CDK19: variants seen among roughly 807,000 people sequenced by gnomAD.
CDK19 encodes the protein cyclin dependent kinase 19.
CDK19 carries 20 observed loss-of-function variants against 68.3 expected under a neutral mutation model. The observed-to-expected ratio is 0.29, with a 90% CI of 0.21 to 0.43. The LOEUF is 0.43. Ranked by LOEUF, CDK19 falls within the 20% of genes least tolerant of loss-of-function variation. The probability of loss-of-function intolerance (pLI) is 1.00; values close to 1 mark genes in which losing one functional copy is unlikely to be tolerated. For missense variants in CDK19, 339 were observed against 623.5 expected (o/e 0.54, Z 4.86); for synonymous variants, 221 against 222.8 (o/e 0.99, Z 0.07).
intron 1 of CDK19, among the ~76,000 whole-genome samples, chr6:110,779,824 C>T (rs2115026468): frequency 6.6e-6 from 1 of 152,290 alleles, no homozygotes; most frequent in Middle Eastern, 3.4e-3. Context: ...GTGGCTCACA[C>T]CTGTAATCCC....
At chr6:110,701,511 C>G (rs1212481155) in intron 2 of CDK19, among the ~76,000 whole-genome samples, 1 of 149,784 alleles carries the variant, frequency 6.7e-6, no homozygotes, top group Non-Finnish European at 1.5e-5. Flanking sequence ...GAGATTGCAC[C>G]ACTGCACTCC....
At position 110,765,318 on chromosome 6, in the gene CDK19, G is replaced by A. The variant is rs139517665; in HGVS notation, c.129-19117C>T. The stretch of plus-strand genomic sequence containing the variant: ...CACTTGAGCCCTGGAGGTTGAGGCT[G>A]CAAATAGCTATGATCACACCACTGC... On this transcript the variant is annotated intron_variant, in intron 1 of 12. Transcript: ENST00000368911. 2.6e-5 allele frequency among the ~76,000 whole-genome samples: 4 copies of A among 152,272 alleles called. No homozygotes were observed. In the East Asian group the frequency reaches 7.7e-4, roughly 29 times the overall value.
chr6:110,801,928 GA>G (rs1280616902), intron 1 of CDK19, among the ~76,000 whole-genome samples: 6 of 152,144 alleles, frequency 3.9e-5, no homozygotes, highest in Non-Finnish European at 8.8e-5. Context: ...AAACATGGGA[GA>G]AAACACTCAA....
chr6:110,783,737 T>C (rs1377323692), intron 1 of CDK19, among the ~76,000 whole-genome samples: 1 of 151,634 alleles, frequency 6.6e-6, no homozygotes, highest in African/African-American at 2.4e-5. Flanking sequence ...CTTTGCAACC[T>C]TGGATCAAGC....
At chr6:110,678,361 A>G (rs1046867189) in intron 2 of CDK19, among the ~76,000 whole-genome samples, 1 of 152,036 alleles carries the variant, frequency 6.6e-6, no homozygotes, top group Non-Finnish European at 1.5e-5. Flanking sequence ...TGAATGTCTA[A>G]AAGCCAAAAC....
chr6:110,617,006 TCTA>T (rs1778356377), intron 12 of CDK19, among the ~76,000 whole-genome samples: 1 of 152,150 alleles, frequency 6.6e-6, no homozygotes, highest in Non-Finnish European at 1.5e-5. Flanking sequence ...GCCTTGAAAC[TCTA>T]CTAATGGAAC....
At chr6:110,709,996 A>C (rs1934216686) in intron 2 of CDK19, among the ~76,000 whole-genome samples, 1 of 152,350 alleles carries the variant, frequency 6.6e-6, no homozygotes, top group African/African-American at 2.4e-5. Flanking sequence ...AAAAGACTAT[A>C]GTATCAATTA....
chr6:110,727,487 C>G (rs746065065), intron 2 of CDK19, among the ~76,000 whole-genome samples: 2 of 152,064 alleles, frequency 1.3e-5, no homozygotes, highest in Non-Finnish European at 2.9e-5. Flanking sequence ...TCTGGACCAG[C>G]ATATAAGGTT....
At chr6:110,632,856 G>C (rs118095474) in intron 5 of CDK19, among the ~76,000 whole-genome samples, 1,782 of 152,236 alleles carry the variant, frequency 0.012, 14 homozygotes, top group Non-Finnish European at 0.019. Flanking sequence ...ACATTCTTAA[G>C]TGTTTTTGAA....
At chr6:110,747,292 T>C (rs1012985629) in intron 1 of CDK19, among the ~76,000 whole-genome samples, 6 of 152,198 alleles carry the variant, frequency 3.9e-5, no homozygotes, top group African/African-American at 1.4e-4. Flanking sequence ...ATTTTCACAA[T>C]CATCTTCAAG....
intron 4 of CDK19, among the ~76,000 whole-genome samples, chr6:110,651,454 C>T (rs183708512): frequency 5.9e-4 from 90 of 152,090 alleles, no homozygotes; most frequent in Non-Finnish European, 1.1e-3. Context: ...AAAAATAGGC[C>T]GGGCACGATG....
At chr6:110,729,218 C>T (rs370656655) in intron 2 of CDK19, among the ~76,000 whole-genome samples, 5 of 152,072 alleles carry the variant, frequency 3.3e-5, no homozygotes, top group African/African-American at 9.7e-5. Flanking sequence ...TAAACCCATG[C>T]TTTTTACCGT....
chr6:110,716,243 AAC>A (rs533781450), intron 2 of CDK19, among the ~76,000 whole-genome samples: 8 of 152,192 alleles, frequency 5.3e-5, no homozygotes, highest in East Asian at 3.8e-4. Flanking sequence ...TAAATATGCA[AAC>A]ACATACATAA....
chr6:110,786,228 T>G (rs1379788595), intron 1 of CDK19, among the ~76,000 whole-genome samples: 2 of 152,248 alleles, frequency 1.3e-5, no homozygotes, highest in African/African-American at 4.8e-5. Flanking sequence ...CTTGTGTGTC[T>G]TTTTCCTCAT....
At chr6:110,743,888 CAT>C (rs1343235701) in intron 2 of CDK19, among the ~76,000 whole-genome samples, 8 of 151,790 alleles carry the variant, frequency 5.3e-5, no homozygotes, top group Middle Eastern at 3.4e-3. Context: ...GGTACTCTAA[CAT>C]AGAAAAATAG....
At chr6:110,620,982 C>A in intron 12 of CDK19, 122 bp downstream of exon 12, 1 of 854,466 alleles carries the variant, frequency 1.2e-6, no homozygotes, top group Non-Finnish European at 1.8e-6. Flanking sequence ...TCATAGAATG[C>A]CCTAGAAACA....
intron 2 of CDK19, among the ~76,000 whole-genome samples, chr6:110,675,259 G>A (rs1417696786): frequency 1.3e-5 from 2 of 152,066 alleles, no homozygotes; most frequent in Non-Finnish European, 2.9e-5. Flanking sequence ...ATCTTACTAG[G>A]GTTTAACGCA....
At chr6:110,685,982 T>C (rs1482151028) in intron 2 of CDK19, among the ~76,000 whole-genome samples, 2 of 152,152 alleles carry the variant, frequency 1.3e-5, no homozygotes, top group African/African-American at 4.8e-5. Flanking sequence ...AAGTCGTCAC[T>C]GCACAGAATT....
intron 4 of CDK19, among the ~76,000 whole-genome samples, chr6:110,641,865 G>A (rs1024106874): frequency 2.0e-5 from 3 of 152,154 alleles, no homozygotes; most frequent in African/African-American, 7.2e-5. Context: ...AGAGTTTTCA[G>A]GCTCATGGAA....
Sources: allele counts gnomAD v4.1 joint callset (sites outside exome capture counted in the v4.1 genomes callset), GRCh38; gene constraint gnomAD v4.1.1; transcripts MANE v1.5; gene names NCBI Gene and HGNC (gene_info 2026-07-23, HGNC 2026-07-21).